COBL: variants seen among roughly 807,000 people sequenced by gnomAD.
COBL encodes the protein protein cordon-bleu.
A neutral mutation model predicts 98.8 loss-of-function variants in COBL; 51 were observed. That is an observed-to-expected ratio of 0.52 (90% CI 0.41 to 0.65). COBL has a LOEUF of 0.65. COBL is among the 30% of genes least tolerant of loss of function. The pLI, the probability that COBL is intolerant of heterozygous loss-of-function variation, is 0.00. For missense variants in COBL, 1,617 were observed against 1,617.5 expected (o/e 1.00, Z 0.01); for synonymous variants, 634 against 651.7 (o/e 0.97, Z 0.41).
chr7:51,215,453 A>C (rs1792938810), intron 2 of COBL, among the ~76,000 whole-genome samples: 1 of 152,242 alleles, frequency 6.6e-6, no homozygotes, highest in Non-Finnish European at 1.5e-5. Flanking sequence ...GAGGTTGGGA[A>C]GGCGGGCATT....
At chr7:51,225,010 T>C (rs532525287) in intron 1 of COBL, among the ~76,000 whole-genome samples, 1 of 152,248 alleles carries the variant, frequency 6.6e-6, no homozygotes, top group Admixed American at 6.5e-5. Context: ...GTGGGTGGAC[T>C]GTGTGTGTGG....
At chr7:51,314,774 T>A (rs908835853) in intron 1 of COBL, among the ~76,000 whole-genome samples, 2 of 152,216 alleles carry the variant, frequency 1.3e-5, no homozygotes, top group Non-Finnish European at 2.9e-5. Flanking sequence ...GGGAAAGAAC[T>A]GAATGCATCA....
chr7:51,045,441 G>A (rs370377629), intron 7 of COBL, among the ~76,000 whole-genome samples: 2 of 152,266 alleles, frequency 1.3e-5, no homozygotes, highest in African/African-American at 4.8e-5. Context: ...GAATGACAGT[G>A]CTGTATGGTC....
chr7:51,148,942 C>T (rs1785300789), intron 5 of COBL, among the ~76,000 whole-genome samples: 1 of 152,106 alleles, frequency 6.6e-6, no homozygotes, highest in Non-Finnish European at 1.5e-5. Context: ...AAAAAAATCT[C>T]TTATCTTTGT....
chr7:51,232,817 A>G (rs7810151), intron 1 of COBL, among the ~76,000 whole-genome samples: 6,608 of 152,260 alleles, frequency 0.043, 373 homozygotes, highest in African/African-American at 0.13. Context: ...CCACAAAAAA[A>G]AAAGAAAGAA....
At position 51,135,065 on chromosome 7, in the gene COBL, C is replaced by A. The variant is rs182966691; in HGVS notation, c.957+1093G>T. Among the ~76,000 whole-genome samples the A allele has an allele frequency of 2.0e-4, 31 of 152,186 alleles. No homozygotes were observed. In the East Asian group the frequency reaches 6.0e-3, roughly 29 times the overall value. ...GCAACCTCTGCCTCCTGGGTTCAAG[C>A]AATTCTCCTGCCTCAGCCTTCTGAG... On this transcript the variant is annotated intron_variant, in intron 6 of 12. Coordinates refer to ENST00000265136, the MANE Select transcript of COBL (RefSeq NM_015198.5).
At chr7:51,143,100 G>A (rs1784696361) in intron 5 of COBL, among the ~76,000 whole-genome samples, 1 of 152,212 alleles carries the variant, frequency 6.6e-6, no homozygotes, top group Non-Finnish European at 1.5e-5. Context: ...GTCATAATGT[G>A]CAGCATAGTG....
chr7:51,128,377 G>A (rs1248396616), intron 6 of COBL, among the ~76,000 whole-genome samples: 1 of 152,198 alleles, frequency 6.6e-6, no homozygotes, highest in African/African-American at 2.4e-5. Context: ...GTGTATGTGT[G>A]TGTGTGTATT....
At chr7:51,082,741 GCTGT>G (rs1439880194) in intron 7 of COBL, among the ~76,000 whole-genome samples, 1 of 152,208 alleles carries the variant, frequency 6.6e-6, no homozygotes, top group East Asian at 1.9e-4. Context: ...GTGCCGGACA[GCTGT>G]CTCTCTCTAC....
intron 5 of COBL, among the ~76,000 whole-genome samples, chr7:51,168,647 G>A (rs1214675354): frequency 1.3e-5 from 2 of 152,122 alleles, no homozygotes; most frequent in Non-Finnish European, 2.9e-5. Flanking sequence ...GGAGAAAAGG[G>A]AACCCTCATA....
chr7:51,079,687 G>T (rs957804022), intron 7 of COBL, among the ~76,000 whole-genome samples: 1 of 152,206 alleles, frequency 6.6e-6, no homozygotes, highest in South Asian at 2.1e-4. Context: ...TGTGCACAGA[G>T]AACTTGCCCT....
At chr7:51,226,836 C>T (rs1563062880) in intron 1 of COBL, among the ~76,000 whole-genome samples, 1 of 152,166 alleles carries the variant, frequency 6.6e-6, no homozygotes, top group Non-Finnish European at 1.5e-5. Context: ...CCATGCCACA[C>T]TGTGTATGTT....
chr7:51,274,042 A>G (rs1799047093), intron 1 of COBL, among the ~76,000 whole-genome samples: 1 of 152,050 alleles, frequency 6.6e-6, no homozygotes, highest in African/African-American at 2.4e-5. Flanking sequence ...AGACCACAGG[A>G]CATCGTAGCC....
At chr7:51,299,554 C>A (rs1376888653) in intron 1 of COBL, among the ~76,000 whole-genome samples, 5 of 152,174 alleles carry the variant, frequency 3.3e-5, no homozygotes, top group African/African-American at 1.2e-4. Flanking sequence ...TTGGCGCTCT[C>A]TAAGGAGGAA....
At chr7:51,231,585 G>A (rs374153743) in intron 1 of COBL, among the ~76,000 whole-genome samples, 2 of 152,200 alleles carry the variant, frequency 1.3e-5, no homozygotes, top group African/African-American at 4.8e-5. Context: ...CCTAAGGAGC[G>A]CCAGAGGGTG....
intron 6 of COBL, among the ~76,000 whole-genome samples, chr7:51,092,954 C>CA (rs71018497): frequency 1 from 152,175 of 152,308 alleles, 76,022 homozygotes; most frequent in Non-Finnish European, 1. Context: ...AATTTTTCAG[C>CA]ATGCTATATA....
At chr7:51,284,129 C>CAAAAAAA (rs71021763) in intron 1 of COBL, among the ~76,000 whole-genome samples, 1,905 of 66,086 alleles carry the variant, frequency 0.029, no homozygotes, top group Non-Finnish European at 0.039. Context: ...ACCAAAAATA[C>CAAAAAAA]AAAAAAAAAA....
At chr7:51,195,896 G>A (rs1790544774) in intron 2 of COBL, among the ~76,000 whole-genome samples, 1 of 152,028 alleles carries the variant, frequency 6.6e-6, no homozygotes, top group African/African-American at 2.4e-5. Context: ...GAAGCTTTAG[G>A]GCCAAGACTA....
chr7:51,078,799 C>A (rs1793337698), intron 7 of COBL, among the ~76,000 whole-genome samples: 1 of 152,182 alleles, frequency 6.6e-6, no homozygotes, highest in South Asian at 2.1e-4. Flanking sequence ...TGGCTGTTGG[C>A]AGGTTTCTAG....
Sources: gnomAD v4.1 joint callset for allele counts (sites outside exome capture counted in the v4.1 genomes callset) on GRCh38, gnomAD v4.1.1 for gene constraint, MANE v1.5 for transcripts, NCBI Gene and HGNC (gene_info 2026-07-23, HGNC 2026-07-21) for gene names.